The following NELL1 variants were observed in gnomAD, a reference collection of about 807,000 sequenced individuals.
The protein encoded by NELL1 is neural EGFL like 1.
NELL1 carries 76 observed loss-of-function variants against 107.4 expected under a neutral mutation model. The observed-to-expected ratio is 0.71, with a 90% CI of 0.59 to 0.86. The LOEUF (loss-of-function observed/expected upper bound fraction) is 0.86, where lower values mean the gene tolerates loss of function less well. Among genes scored for constraint, NELL1 ranks in the 40% least tolerant of loss-of-function variants. NELL1 has a pLI of 0.00. For synonymous variants in NELL1, 353 were observed against 341.2 expected (o/e 1.03, Z -0.38); for missense variants, 1,024 against 1,005.5 (o/e 1.02, Z -0.25).
At chr11:21,073,831 C>G (rs1234134387) in intron 12 of NELL1, among the ~76,000 whole-genome samples, 1 of 151,982 alleles carries the variant, frequency 6.6e-6, no homozygotes, top group African/African-American at 2.4e-5. Flanking sequence ...AATTCGAGTG[C>G]TATAAATAGA....
At chr11:20,727,880 A>G (rs555588107) in intron 2 of NELL1, among the ~76,000 whole-genome samples, 1 of 152,274 alleles carries the variant, frequency 6.6e-6, no homozygotes, top group African/African-American at 2.4e-5. Context: ...AAATCTCCTA[A>G]CTGCTTTCCA....
intron 13 of NELL1, among the ~76,000 whole-genome samples, chr11:21,123,366 T>TGTGC (rs1554970390): frequency 0.029 from 4,368 of 148,464 alleles, 100 homozygotes; most frequent in East Asian, 0.12. Flanking sequence ...TGTGTGTGTG[T>TGTGC]GCGTTTCCAT....
chr11:20,710,123 G>C (rs116585684), intron 2 of NELL1, among the ~76,000 whole-genome samples: 4,490 of 152,230 alleles, frequency 0.029, 240 homozygotes, highest in African/African-American at 0.1. Context: ...TCCTTGTCTT[G>C]TTCCAGATCT....
intron 11 of NELL1, among the ~76,000 whole-genome samples, chr11:20,949,610 C>T (rs1851032391): frequency 6.6e-6 from 1 of 152,170 alleles, no homozygotes; most frequent in Non-Finnish European, 1.5e-5. Context: ...CACAGAAATT[C>T]AGGAGGGATT....
In NELL1 at chr11:20,935,367, G is replaced by A. The variant is rs1368589432; in HGVS notation, c.998-2419G>A. Reference sequence around the variant, plus strand: ...GTGTATAGGGTGGGAGGCTGCCAGTGGAAGGTGGATGGGGTGCTCTGCACG... The same window carrying A: ...GTGTATAGGGTGGGAGGCTGCCAGTAGAAGGTGGATGGGGTGCTCTGCACG... On this transcript the variant is annotated intron_variant, in intron 9 of 19. Coordinates refer to ENST00000357134, the MANE Select transcript of NELL1 (RefSeq NM_006157.5). Among the ~76,000 whole-genome samples, 5 of 152,304 alleles carry A rather than the reference G, an allele frequency of 3.3e-5. No homozygotes were observed. The East Asian group carries it at 9.7e-4, about 30-fold the overall frequency.
intron 15 of NELL1, among the ~76,000 whole-genome samples, chr11:21,504,390 C>T (rs1044174593): frequency 8.5e-5 from 13 of 152,156 alleles, no homozygotes; most frequent in Admixed American, 7.2e-4. Context: ...CATGTGGAAG[C>T]TCAGAAAGGT....
intron 5 of NELL1, among the ~76,000 whole-genome samples, chr11:20,897,408 T>G (rs1378441566): frequency 2.0e-5 from 3 of 152,112 alleles, no homozygotes; most frequent in Non-Finnish European, 4.4e-5. Flanking sequence ...ATACAAAAAT[T>G]AATTCAAGAT....
At chr11:21,108,394 T>C (rs1855021490) in intron 12 of NELL1, among the ~76,000 whole-genome samples, 1 of 152,090 alleles carries the variant, frequency 6.6e-6, no homozygotes, top group Non-Finnish European at 1.5e-5. Context: ...AGTCCATAAG[T>C]ACACCTTTTA....
intron 13 of NELL1, among the ~76,000 whole-genome samples, chr11:21,139,239 A>G (rs1290009024): frequency 3.9e-5 from 6 of 152,168 alleles, no homozygotes; most frequent in Non-Finnish European, 7.3e-5. Flanking sequence ...GCTGTTTTCT[A>G]AATGTGCTGC....
At chr11:21,348,696 G>A (rs1360670371) in intron 14 of NELL1, among the ~76,000 whole-genome samples, 2 of 152,160 alleles carry the variant, frequency 1.3e-5, no homozygotes, top group Non-Finnish European at 2.9e-5. Context: ...GCAAGGGGTT[G>A]TGGTAGCATG....
At chr11:20,674,577 G>A (rs1227246561) in intron 1 of NELL1, 2 of 1,485,524 alleles carry the variant, frequency 1.3e-6, no homozygotes, top group Non-Finnish European at 1.8e-6. Context: ...AGGGAGGCAG[G>A]TATTAACGTT....
At chr11:21,048,228 T>C (rs1463766028) in intron 12 of NELL1, among the ~76,000 whole-genome samples, 2 of 152,128 alleles carry the variant, frequency 1.3e-5, no homozygotes, top group Non-Finnish European at 2.9e-5. Context: ...GATCTGGAGC[T>C]TTTTTTGAAA....
At chr11:20,938,373 A>G (rs1009234585) in intron 10 of NELL1, among the ~76,000 whole-genome samples, 2 of 152,208 alleles carry the variant, frequency 1.3e-5, no homozygotes, top group Admixed American at 6.5e-5. Context: ...GCATTATAGT[A>G]GGTTCTGGAT....
intron 13 of NELL1, among the ~76,000 whole-genome samples, chr11:21,221,679 T>TA (rs1264160082): frequency 6.6e-6 from 1 of 152,172 alleles, no homozygotes; most frequent in African/African-American, 2.4e-5. Context: ...ATAGCTATCA[T>TA]AATAGTGTCT....
chr11:21,455,320 C>CTTTTTTTTT (rs34607165), intron 15 of NELL1, among the ~76,000 whole-genome samples: 12 of 77,214 alleles, frequency 1.6e-4, no homozygotes, highest in Admixed American at 3.5e-4. Context: ...TTCTTTTATT[C>CTTTTTTTTT]TTTTTTTTTT....
At chr11:21,321,325 G>T (rs1850004533) in intron 14 of NELL1, among the ~76,000 whole-genome samples, 1 of 151,996 alleles carries the variant, frequency 6.6e-6, no homozygotes, top group Admixed American at 6.6e-5. Flanking sequence ...ATGGCCCAGG[G>T]GAGTGATTTT....
chr11:21,401,772 C>T (rs939913943), intron 15 of NELL1, among the ~76,000 whole-genome samples: 3 of 151,796 alleles, frequency 2.0e-5, no homozygotes, highest in Non-Finnish European at 2.9e-5. Context: ...AGTTTCAAGC[C>T]AGGCATCCTG....
chr11:21,447,763 C>A (rs1168327040), intron 15 of NELL1, among the ~76,000 whole-genome samples: 2 of 152,062 alleles, frequency 1.3e-5, no homozygotes, highest in Admixed American at 1.3e-4. Context: ...AGGTTGCATA[C>A]CCCCCAAGTC....
intron 14 of NELL1, among the ~76,000 whole-genome samples, chr11:21,335,339 C>T (rs1420734722): frequency 6.6e-6 from 1 of 152,074 alleles, no homozygotes; most frequent in Non-Finnish European, 1.5e-5. Context: ...CTCTCTCTCT[C>T]TCTATTTTTC....
Sources: gnomAD v4.1 joint callset for allele counts (sites outside exome capture counted in the v4.1 genomes callset) on GRCh38, gnomAD v4.1.1 for gene constraint, MANE v1.5 for transcripts, NCBI Gene and HGNC (gene_info 2026-07-23, HGNC 2026-07-21) for gene names.